Variants in KCND3 observed in about 807,000 individuals in gnomAD.
KCND3 encodes A-type voltage-gated potassium channel KCND3.
Under a neutral mutation model 51.1 loss-of-function variants are expected in KCND3, and 9 were observed. The observed-to-expected ratio is 0.18, with a 90% CI of 0.11 to 0.31. The LOEUF is 0.31. Among genes scored for constraint, KCND3 ranks in the 10% least tolerant of loss-of-function variants. The pLI is 1.00. For synonymous variants in KCND3, 349 were observed against 368.0 expected, an observed-to-expected ratio of 0.95 and a Z score of 0.59; for missense variants, 526 against 903.8, an observed-to-expected ratio of 0.58 and a Z score of 5.36.
intron 2 of KCND3, among the ~76,000 whole-genome samples, chr1:111,804,531 G>A (rs1046976202): frequency 3.3e-5 from 5 of 152,184 alleles, no homozygotes; most frequent in African/African-American, 7.2e-5. Flanking sequence ...GCAGGGCTCC[G>A]CAAGGCTTCC....
intron 2 of KCND3, among the ~76,000 whole-genome samples, chr1:111,817,506 TG>T (rs1182541547): frequency 1.3e-5 from 2 of 152,152 alleles, no homozygotes; most frequent in East Asian, 1.9e-4. Flanking sequence ...TGACTTACAC[TG>T]GGGGGTTAGC....
intron 2 of KCND3, among the ~76,000 whole-genome samples, chr1:111,823,478 A>T (rs1459104686): frequency 6.6e-6 from 1 of 152,114 alleles, no homozygotes; most frequent in African/African-American, 2.4e-5. Flanking sequence ...GTTCCTTTAA[A>T]GACTGAGCTG....
intron 2 of KCND3, among the ~76,000 whole-genome samples, chr1:111,833,930 G>A (rs555194839): frequency 6.6e-6 from 1 of 152,310 alleles, no homozygotes; most frequent in East Asian, 1.9e-4. Flanking sequence ...GAGGGAGAAG[G>A]ACTGTCCAGG....
intron 3 of KCND3, among the ~76,000 whole-genome samples, chr1:111,783,060 G>C (rs903145946): frequency 6.6e-6 from 1 of 152,150 alleles, no homozygotes; most frequent in Non-Finnish European, 1.5e-5. Context: ...ATGTGAGTTG[G>C]CTGGAAGGCC....
intron 2 of KCND3, among the ~76,000 whole-genome samples, chr1:111,796,722 T>A (rs1237786189): frequency 6.6e-6 from 1 of 152,206 alleles, no homozygotes; most frequent in Non-Finnish European, 1.5e-5. Flanking sequence ...CTTGTACCCC[T>A]GAACTTAAAG....
At chr1:111,983,109 AC>A (rs1423721245) in intron 1 of KCND3, among the ~76,000 whole-genome samples, 1 of 152,194 alleles carries the variant, frequency 6.6e-6, no homozygotes, top group Non-Finnish European at 1.5e-5. Flanking sequence ...ATCTGGCAAG[AC>A]GTGGGTAATA....
At chr1:111,776,770 A>G (rs985627961) in intron 7 of KCND3, among the ~76,000 whole-genome samples, 1 of 151,928 alleles carries the variant, frequency 6.6e-6, no homozygotes, top group East Asian at 1.9e-4. Context: ...TTTTATATGT[A>G]TATATATAAT....
chr1:111,795,195 C>A (rs1665003802), intron 2 of KCND3, among the ~76,000 whole-genome samples: 1 of 152,136 alleles, frequency 6.6e-6, no homozygotes, highest in Non-Finnish European at 1.5e-5. Flanking sequence ...CACCCCCTAC[C>A]CCCAACACAC....
At chr1:111,985,355 A>C (rs1305449305) in intron 1 of KCND3, among the ~76,000 whole-genome samples, 2 of 152,222 alleles carry the variant, frequency 1.3e-5, no homozygotes, top group Admixed American at 6.5e-5. Flanking sequence ...AATTGTCTAA[A>C]GGATGTAATA....
chr1:111,941,187 GA>G (rs997714817), intron 2 of KCND3, among the ~76,000 whole-genome samples: 13 of 148,588 alleles, frequency 8.7e-5, no homozygotes, highest in South Asian at 2.1e-4. Context: ...CAACTTCACA[GA>G]AAAAAAAAAC....
intron 2 of KCND3, among the ~76,000 whole-genome samples, chr1:111,800,757 C>T (rs1490370749): frequency 3.3e-5 from 5 of 152,174 alleles, no homozygotes; most frequent in South Asian, 2.1e-4. Flanking sequence ...ATGAGCCAGC[C>T]CCTCAGCTCT....
At chr1:111,805,232 A>AAG (rs928727825) in intron 2 of KCND3, among the ~76,000 whole-genome samples, 1 of 152,046 alleles carries the variant, frequency 6.6e-6, no homozygotes, top group African/African-American at 2.4e-5. Flanking sequence ...GGGGGAAAAA[A>AAG]AAAGGTAAGA....
At chr1:111,979,281 C>T (rs1388764790) in intron 2 of KCND3, among the ~76,000 whole-genome samples, 7 of 152,320 alleles carry the variant, frequency 4.6e-5, no homozygotes, top group African/African-American at 1.7e-4. Flanking sequence ...GGACTTGCCC[C>T]TTAATCTACA....
In KCND3 at chr1:111,846,418, TCTGCTGCTGCTGCTG is replaced by T. The variant is rs55653915; in HGVS notation, c.1107-59327_1107-59313del. 1.4e-4 allele frequency among the ~76,000 whole-genome samples: 21 copies of T among 150,828 alleles called. 1 individual carries two copies. The South Asian group carries it at 3.6e-3, about 26-fold the overall frequency. On this transcript the variant is annotated intron_variant, in intron 2 of 7. Transcript: ENST00000302127. ...TTTCCTCTGTACACCCATGACACTC[TCTGCTGCTGCTGCTG>T]CTGCTGCTGCTGCTGCTGCTGATAA... is the stretch of plus-strand genomic sequence containing the variant.
At chr1:111,886,379 C>T (rs1488526396) in intron 2 of KCND3, among the ~76,000 whole-genome samples, 1 of 152,060 alleles carries the variant, frequency 6.6e-6, no homozygotes, top group African/African-American at 2.4e-5. Flanking sequence ...AGAACAGTGA[C>T]CTAGATGGCA....
rs551414996 is a variant in KCND3, at chr1:111,853,273, C to G, written c.1107-66167G>C. Among the ~76,000 whole-genome samples the G allele has an allele frequency of 2.8e-3, 422 of 152,298 alleles. 3 individuals are homozygous for G. Among genetic ancestry groups the G allele is most frequent in the African/African-American group, 9.7e-3 (402 of 41,556 alleles). ...TTTTTGAGTCATTTTTATCTCCCCT[C>G]TCTGGGAAAGTGTGACAATAAAACT... On this transcript the variant is annotated intron_variant, in intron 2 of 7. Coordinates refer to ENST00000302127, the MANE Select transcript of KCND3 (RefSeq NM_001378969.1).
At position 111,963,409 on chromosome 1, in the gene KCND3, A is replaced by G. The variant is rs147361102; in HGVS notation, c.1106+18212T>C. The stretch of plus-strand genomic sequence containing the variant: ...AGGGTGAAACCCTTCTCTGTCATTC[A>G]GTACTTACGTGACCCTTGACAAGTT... On this transcript the variant is annotated intron_variant, in intron 2 of 7. Transcript: ENST00000302127. Among the ~76,000 whole-genome samples, 652 of 152,366 alleles carry G rather than the reference A, an allele frequency of 4.3e-3. 5 individuals are homozygous for G. The highest frequency in any genetic ancestry group is 0.015 in the African/African-American group (617 of 41,588).
chr1:111,967,120 A>C (rs527451781), intron 2 of KCND3, among the ~76,000 whole-genome samples: 1 of 150,768 alleles, frequency 6.6e-6, no homozygotes, highest in Non-Finnish European at 1.5e-5. Context: ...AGCTTGGGAG[A>C]CAAGAGTGAG....
intron 2 of KCND3, among the ~76,000 whole-genome samples, chr1:111,952,691 T>G (rs1003604224): frequency 6.6e-5 from 10 of 152,164 alleles, no homozygotes; most frequent in Admixed American, 3.9e-4. Context: ...TGCCGAAGGA[T>G]GGACTTCCCC....
Sources: gnomAD v4.1 joint callset for allele counts (sites outside exome capture counted in the v4.1 genomes callset) on GRCh38, gnomAD v4.1.1 for gene constraint, MANE v1.5 for transcripts, NCBI Gene and HGNC (gene_info 2026-07-23, HGNC 2026-07-21) for gene names.